Variants in ST6GAL1 observed in about 807,000 individuals in gnomAD.
ST6GAL1 encodes the protein beta-galactoside alpha-2,6-sialyltransferase 1.
Under a neutral mutation model 38.0 loss-of-function variants are expected in ST6GAL1, and 20 were observed. The observed-to-expected ratio is 0.53, with a 90% CI of 0.37 to 0.77. The LOEUF is 0.77. Ranked by LOEUF, ST6GAL1 falls within the 30% of genes least tolerant of loss-of-function variation. ST6GAL1 has a pLI of 0.00. For missense variants in ST6GAL1, 432 were observed against 496.4 expected (o/e 0.87, Z 1.23); for synonymous variants, 196 against 188.2 (o/e 1.04, Z -0.34).
chr3:187,060,979 T>A (rs1718896002), intron 5 of ST6GAL1, among the ~76,000 whole-genome samples: 1 of 152,168 alleles, frequency 6.6e-6, no homozygotes, highest in East Asian at 1.9e-4. Flanking sequence ...ATGGGTACAG[T>A]ACAATAAAAT....
chr3:187,031,096 G>T (rs1477980233), intron 2 of ST6GAL1, among the ~76,000 whole-genome samples: 2 of 152,170 alleles, frequency 1.3e-5, no homozygotes, highest in African/African-American at 4.8e-5. Flanking sequence ...ACAGATAAAT[G>T]TCACATAGTT....
intron 1 of ST6GAL1, among the ~76,000 whole-genome samples, chr3:186,960,720 C>G (rs1223825825): frequency 4.0e-5 from 6 of 151,528 alleles, no homozygotes; most frequent in Admixed American, 2.0e-4. Flanking sequence ...CTTTAGCAAT[C>G]TAGCGTGGTC....
At chr3:187,063,058 T>A (rs183236253) in intron 5 of ST6GAL1, among the ~76,000 whole-genome samples, 1 of 152,386 alleles carries the variant, frequency 6.6e-6, no homozygotes, top group East Asian at 1.9e-4. Flanking sequence ...AATAGGAATG[T>A]ACTAAGCTGA....
chr3:187,009,147 A>T (rs1026891413), intron 2 of ST6GAL1, among the ~76,000 whole-genome samples: 3 of 133,392 alleles, frequency 2.2e-5, no homozygotes, highest in Non-Finnish European at 3.1e-5. Flanking sequence ...AACTAAGATT[A>T]TGTAGTATAT....
At chr3:186,954,937 T>C (rs1444691421) in intron 1 of ST6GAL1, among the ~76,000 whole-genome samples, 1 of 152,192 alleles carries the variant, frequency 6.6e-6, no homozygotes, top group East Asian at 1.9e-4. Context: ...TTGCCTACAT[T>C]TTCTTCTAGG....
chr3:187,015,980 A>G (rs1717103070), intron 2 of ST6GAL1, among the ~76,000 whole-genome samples: 1 of 152,254 alleles, frequency 6.6e-6, no homozygotes, highest in African/African-American at 2.4e-5. Flanking sequence ...GATGGAAAGG[A>G]TAACACGGTA....
Position 187,053,044 on chromosome 3 carries a change from A to G in ST6GAL1, c.705+1698A>G, listed in dbSNP as rs528324791. On this transcript the variant is annotated intron_variant, in intron 5 of 7. Transcript: ENST00000169298. ...GGTTTTGATTTGCATTTCTCTGATG[A>G]CCAGTGATGATGAGCATTTTTTCAT... Among the ~76,000 whole-genome samples, 11 of 152,262 alleles carry G rather than the reference A, an allele frequency of 7.2e-5. No homozygotes were observed. In the South Asian group the frequency reaches 2.3e-3, roughly 32 times the overall value.
chr3:186,978,456 G>C (rs1715589051), intron 2 of ST6GAL1, among the ~76,000 whole-genome samples: 1 of 152,160 alleles, frequency 6.6e-6, no homozygotes, highest in Non-Finnish European at 1.5e-5. Context: ...AGCTTCTGGA[G>C]CCTGGTGTTC....
chr3:186,944,533 C>G (rs914870115), intron 1 of ST6GAL1, among the ~76,000 whole-genome samples: 21 of 152,058 alleles, frequency 1.4e-4, no homozygotes, highest in South Asian at 8.3e-4. Flanking sequence ...TTAATTGGAT[C>G]CCAAAGACAA....
chr3:187,043,698 A>C (rs1718205923), intron 4 of ST6GAL1: 1 of 153,948 alleles, frequency 6.5e-6, no homozygotes, highest in South Asian at 2.0e-4. Flanking sequence ...CATCTGTTTT[A>C]AATATTGGAA....
At chr3:186,937,011 AC>A (rs1356171195) in intron 1 of ST6GAL1, among the ~76,000 whole-genome samples, 6 of 151,846 alleles carry the variant, frequency 4.0e-5, no homozygotes, top group South Asian at 2.1e-4. Flanking sequence ...GTACAAAAAA[AC>A]ATAGAGAAAC....
At chr3:186,931,653 G>A (rs1184898867) in intron 1 of ST6GAL1, among the ~76,000 whole-genome samples, 1 of 152,172 alleles carries the variant, frequency 6.6e-6, no homozygotes, top group Non-Finnish European at 1.5e-5. Flanking sequence ...TGCCTCTGTG[G>A]GGATATTTTG....
At chr3:187,056,133 G>A (rs574401900) in intron 5 of ST6GAL1, among the ~76,000 whole-genome samples, 1 of 152,078 alleles carries the variant, frequency 6.6e-6, no homozygotes, top group African/African-American at 2.4e-5. Context: ...TGCAACCCCT[G>A]CTTTTTTTTG....
chr3:187,047,085 A>G (rs1383736947), intron 4 of ST6GAL1, among the ~76,000 whole-genome samples: 2 of 152,092 alleles, frequency 1.3e-5, no homozygotes, highest in African/African-American at 2.4e-5. Flanking sequence ...AGCTGGGACT[A>G]CAGGTGCCTG....
chr3:187,059,985 G>C (rs1329216376), intron 5 of ST6GAL1, among the ~76,000 whole-genome samples: 3 of 152,208 alleles, frequency 2.0e-5, no homozygotes, highest in Admixed American at 2.0e-4. Context: ...ATGTGTGGAT[G>C]TTGAAAAGGG....
At chr3:186,995,089 A>T (rs141942734) in intron 2 of ST6GAL1, among the ~76,000 whole-genome samples, 1 of 152,260 alleles carries the variant, frequency 6.6e-6, no homozygotes, top group South Asian at 2.1e-4. Flanking sequence ...ATATGTGTGT[A>T]TGTGTATATA....
Position 187,078,541 on chromosome 3 carries a change from T to G in ST6GAL1, c.*2738T>G, listed in dbSNP as rs1719636816. ...TGTCAAATTTTAAAATAAATGTGTG[T>G]GTGTTTCTTTAAGCTGCTTCTCTCT... On this transcript the variant is annotated 3_prime_UTR_variant, in exon 8 of 8. Transcript: ENST00000169298. 1 of 152,192 alleles carries G rather than the reference T, an allele frequency of 6.6e-6. No individual in the cohort carries two copies. The highest frequency in any genetic ancestry group is 1.5e-5 in the Non-Finnish European group (1 of 68,030). 9.4% of individuals were successfully genotyped at this position (152,192 alleles called of 1,614,324 possible). A position where few individuals can be genotyped will look rare whatever the true frequency, so the allele number is the denominator to read the frequency against.
intron 4 of ST6GAL1, among the ~76,000 whole-genome samples, chr3:187,044,696 G>A (rs113416692): frequency 1.6e-4 from 24 of 152,224 alleles, no homozygotes; most frequent in Middle Eastern, 3.4e-3. Flanking sequence ...TTAATATTGC[G>A]TGCCTGGCTG....
At chr3:187,048,977 G>A (rs1328245136) in intron 4 of ST6GAL1, among the ~76,000 whole-genome samples, 6 of 137,574 alleles carry the variant, frequency 4.4e-5, no homozygotes, top group Admixed American at 7.7e-5. Context: ...GCTAACCCCC[G>A]CCTCCTGGGT....
Sources: gnomAD v4.1 joint callset for allele counts (sites outside exome capture counted in the v4.1 genomes callset) on GRCh38, gnomAD v4.1.1 for gene constraint, MANE v1.5 for transcripts, NCBI Gene and HGNC (gene_info 2026-07-23, HGNC 2026-07-21) for gene names.